The following PEAK1 variants were observed in gnomAD, a reference collection of about 807,000 sequenced individuals.
The protein encoded by PEAK1 is pseudopodium enriched atypical kinase 1, also known as inactive tyrosine-protein kinase PEAK1.
PEAK1 carries 54 observed loss-of-function variants against 124.7 expected under a neutral mutation model. The ratio of observed to expected loss-of-function variants is 0.43; its 90% CI spans 0.35 to 0.54. The LOEUF (loss-of-function observed/expected upper bound fraction) is 0.54. Among genes scored for constraint, PEAK1 ranks in the 20% least tolerant of loss-of-function variants. The pLI, the probability that PEAK1 is intolerant of heterozygous loss-of-function variation, is 0.01. For missense variants in PEAK1, 2,046 were observed against 2,134.5 expected (o/e 0.96, Z 0.82); for synonymous variants, 719 against 760.0 (o/e 0.95, Z 0.89).
At chr15:77,186,239 A>G (rs776511130) in intron 6 of PEAK1, among the ~76,000 whole-genome samples, 33 of 152,240 alleles carry the variant, frequency 2.2e-4, no homozygotes, top group Non-Finnish European at 4.1e-4. Context: ...TCTTGGCATA[A>G]TATCTTGTTA....
intron 5 of PEAK1, among the ~76,000 whole-genome samples, chr15:77,266,279 A>T (rs1230881110): frequency 6.6e-6 from 1 of 152,060 alleles, no homozygotes; most frequent in Non-Finnish European, 1.5e-5. Flanking sequence ...AATAAAATAC[A>T]ATAAAATTTA....
intron 2 of PEAK1, among the ~76,000 whole-genome samples, chr15:77,360,210 C>T (rs768480334): frequency 3.3e-5 from 5 of 152,244 alleles, no homozygotes; most frequent in Admixed American, 6.5e-5. Flanking sequence ...AGTTGAACCC[C>T]TACATTACAC....
At chr15:77,165,200 C>CTTT (rs953922841) in intron 7 of PEAK1, among the ~76,000 whole-genome samples, 6 of 131,418 alleles carry the variant, frequency 4.6e-5, no homozygotes, top group African/African-American at 1.7e-4. Flanking sequence ...TACGCCTGGC[C>CTTT]TTTTTTTTTT....
intron 6 of PEAK1, among the ~76,000 whole-genome samples, chr15:77,243,372 T>C (rs1393815924): frequency 6.6e-6 from 1 of 152,222 alleles, no homozygotes; most frequent in Non-Finnish European, 1.5e-5. Flanking sequence ...CCATGGCAAC[T>C]GCATAAACAT....
chr15:77,185,846 T>A (rs1490862402), intron 6 of PEAK1, among the ~76,000 whole-genome samples: 1 of 152,126 alleles, frequency 6.6e-6, no homozygotes, highest in African/African-American at 2.4e-5. Context: ...AGAATCACAA[T>A]ACTTAGAATG....
In PEAK1 at chr15:77,212,834, G is replaced by A. The variant is rs180881346; in HGVS notation, c.-114-30794C>T. ...GAGTGATATGAGAAACATCTCATCA[G>A]AGAGCATTTCTAGCTCTTTTACAAA... On this transcript the variant is annotated intron_variant, in intron 6 of 9. Coordinates refer to ENST00000682557, the MANE Select transcript of PEAK1 (RefSeq NM_001385026.1). 3.0e-3 allele frequency among the ~76,000 whole-genome samples: 458 copies of A among 152,282 alleles called. 5 individuals are homozygous for A. The highest frequency in any genetic ancestry group is 0.011 in the African/African-American group (443 of 41,550).
At chr15:77,355,790 T>G in intron 2 of PEAK1, 2 of 985,354 alleles carry the variant, frequency 2.0e-6, no homozygotes. Context: ...TTTACCTCGA[T>G]TCCAATTCCT....
intron 2 of PEAK1, among the ~76,000 whole-genome samples, chr15:77,291,500 G>T (rs1262701813): frequency 6.6e-6 from 1 of 152,124 alleles, no homozygotes; most frequent in Non-Finnish European, 1.5e-5. Flanking sequence ...CCACCAATAT[G>T]ATGCTGACAA....
intron 6 of PEAK1, among the ~76,000 whole-genome samples, chr15:77,234,600 C>T (rs1596769321): frequency 6.6e-6 from 1 of 152,062 alleles, no homozygotes; most frequent in East Asian, 1.9e-4. Flanking sequence ...CCACACATCT[C>T]TCTAAGTATA....
chr15:77,220,145 TA>T (rs796086705), intron 6 of PEAK1, among the ~76,000 whole-genome samples: 38 of 151,982 alleles, frequency 2.5e-4, no homozygotes, highest in African/African-American at 8.7e-4. Flanking sequence ...GATAAAAGAG[TA>T]AAAGTGTGCT....
At chr15:77,322,995 A>G (rs2065327050) in intron 2 of PEAK1, among the ~76,000 whole-genome samples, 1 of 152,078 alleles carries the variant, frequency 6.6e-6, no homozygotes, top group Non-Finnish European at 1.5e-5. Context: ...AAATCAATAA[A>G]CGTAATCCAG....
chr15:77,242,793 T>A (rs1240713529), intron 6 of PEAK1, among the ~76,000 whole-genome samples: 1 of 152,214 alleles, frequency 6.6e-6, no homozygotes, highest in African/African-American at 2.4e-5. Flanking sequence ...AAAATCCATG[T>A]ATGCTTTCTC....
Position 77,114,541 on chromosome 15 carries a change from T to A in PEAK1, c.4856A>T (p.Glu1619Val), listed in dbSNP as rs1309468622. Residue 1619 changes from glutamate to valine, a missense_variant, in exon 10 of 10, where the codon GAA becomes GTA. By Grantham distance (121) the Glu-to-Val change is moderately radical (BLOSUM62 -2). Coordinates refer to ENST00000682557, the MANE Select transcript of PEAK1 (RefSeq NM_001385026.1). Reference protein sequence around the residue: ...FDENPELKEREYTRADLPRIP... With the variant: ...FDENPELKERVYTRADLPRIP... ...GCGAGGCAGGTCTGCTCGTGTGTAT[T>A]CCCTCTCCTTCAGCTCTGGGTTCTC... is the stretch of plus-strand genomic sequence containing the variant. 1 of 1,614,110 alleles carries A rather than the reference T, an allele frequency of 6.2e-7. No individual in the cohort carries two copies. The highest frequency in any genetic ancestry group is 1.7e-5 in the Admixed American group (1 of 60,016).
chr15:77,397,704 A>G (rs1363556400), intron 1 of PEAK1, among the ~76,000 whole-genome samples: 7 of 152,190 alleles, frequency 4.6e-5, no homozygotes, highest in Non-Finnish European at 1.0e-4. Flanking sequence ...ATTCCAACAC[A>G]CATACAACCT....
At chr15:77,303,768 C>A (rs1395772682) in intron 2 of PEAK1, among the ~76,000 whole-genome samples, 1 of 152,094 alleles carries the variant, frequency 6.6e-6, no homozygotes, top group East Asian at 1.9e-4. Context: ...CAATATTTTT[C>A]TTTCATGTAT....
chr15:77,182,749 C>CAAAAAAAAAAAAAAAAAAA (rs71143395), intron 6 of PEAK1, among the ~76,000 whole-genome samples: 10 of 65,138 alleles, frequency 1.5e-4, no homozygotes, highest in African/African-American at 5.6e-4. Flanking sequence ...GACCTTGTCT[C>CAAAAAAAAAAAAAAAAAAA]AAAAAAAAAA....
intron 1 of PEAK1, among the ~76,000 whole-genome samples, chr15:77,392,526 T>C (rs926294318): frequency 5.3e-5 from 8 of 152,148 alleles, no homozygotes; most frequent in African/African-American, 1.9e-4. Flanking sequence ...GGCCCAAAGA[T>C]TAATATGCAT....
chr15:77,201,249 T>C (rs1202545107), intron 6 of PEAK1, among the ~76,000 whole-genome samples: 1 of 144,786 alleles, frequency 6.9e-6, no homozygotes, highest in Non-Finnish European at 1.5e-5. Context: ...TTTTTTTTTT[T>C]TTTTTTGAGA....
intron 6 of PEAK1, among the ~76,000 whole-genome samples, chr15:77,220,530 A>AC (rs1236890152): frequency 6.6e-6 from 1 of 151,766 alleles, no homozygotes; most frequent in Non-Finnish European, 1.5e-5. Flanking sequence ...CAAAAAAAAA[A>AC]AAAAAAACGG....
Sources: allele counts gnomAD v4.1 joint callset (sites outside exome capture counted in the v4.1 genomes callset), GRCh38; gene constraint gnomAD v4.1.1; transcripts MANE v1.5; gene names NCBI Gene and HGNC (gene_info 2026-07-23, HGNC 2026-07-21).